TXLNB: variants seen among roughly 807,000 people sequenced by gnomAD.
The protein encoded by TXLNB is taxilin beta.
TXLNB carries 37 observed loss-of-function variants against 57.4 expected under a neutral mutation model. The observed-to-expected ratio is 0.64, with a 90% CI of 0.50 to 0.85. TXLNB has a LOEUF of 0.85. Ranked by LOEUF, TXLNB falls within the 40% of genes least tolerant of loss-of-function variation. TXLNB has a pLI of 0.00. For missense variants in TXLNB, 848 were observed against 825.6 expected (o/e 1.03, Z -0.33); for synonymous variants, 302 against 309.6 (o/e 0.98, Z 0.26).
At chr6:139,287,913 T>G (rs1327882462) in intron 2 of TXLNB, among the ~76,000 whole-genome samples, 1 of 152,240 alleles carries the variant, frequency 6.6e-6, no homozygotes, top group Non-Finnish European at 1.5e-5. Context: ...CAAAAGACCA[T>G]GATTTATTTA....
chr6:139,183,204 T>C, the TXLNB span: 1 of 152,226 alleles, frequency 6.6e-6, no homozygotes, highest in Non-Finnish European at 1.5e-5. Context: ...TTCATATAGT[T>C]AATGACTAAC....
In TXLNB at chr6:139,276,855, A is replaced by T; in HGVS notation, c.491T>A (p.Phe164Tyr). 6.2e-7 allele frequency: 1 copy of T among 1,605,468 alleles called. No individual in the cohort carries two copies. Among genetic ancestry groups the T allele is most frequent in the South Asian group, 1.1e-5 (1 of 89,040 alleles). Reference sequence around the variant, plus strand: ...CAATTCAGCATACTTCTTGAATAAAAAATCAAACTTTTCTTCCGGTGTTTG... The same window carrying T: ...CAATTCAGCATACTTCTTGAATAAATAATCAAACTTTTCTTCCGGTGTTTG... ...KLQTPEEKFD[F>Y]LFKKYAELLD... is the part of the protein sequence containing the mutation. The change falls in exon 3 of 10, where the codon TTT (phenylalanine) becomes TAT (tyrosine). Residue 164 changes from phenylalanine to tyrosine, a missense_variant. Transcript: ENST00000358430.
chr6:139,264,828 G>C (rs1295387203), intron 4 of TXLNB, among the ~76,000 whole-genome samples: 1 of 152,096 alleles, frequency 6.6e-6, no homozygotes, highest in Non-Finnish European at 1.5e-5. Context: ...CCAAAGTGCT[G>C]GGATTATGGG....
the TXLNB span, among the ~76,000 whole-genome samples, chr6:139,214,154 A>G: frequency 6.6e-6 from 1 of 152,196 alleles, no homozygotes; most frequent in African/African-American, 2.4e-5. Flanking sequence ...CTGATACCAA[A>G]GCCTGGCAGA....
chr6:139,187,009 G>T, the TXLNB span, among the ~76,000 whole-genome samples: 2 of 152,144 alleles, frequency 1.3e-5, no homozygotes, highest in African/African-American at 4.8e-5. Context: ...GAATTTGGGG[G>T]TGACTGATGT....
chr6:139,304,043 A>G, the TXLNB span, among the ~76,000 whole-genome samples: 1 of 152,164 alleles, frequency 6.6e-6, no homozygotes, highest in African/African-American at 2.4e-5. Flanking sequence ...AACTACCACT[A>G]GTCAAAGTTG....
chr6:139,172,239 C>T, the TXLNB span, among the ~76,000 whole-genome samples: 1 of 152,308 alleles, frequency 6.6e-6, no homozygotes, highest in East Asian at 1.9e-4. Context: ...GCTGAGACTA[C>T]AGGCATGAGC....
At chr6:139,271,028 T>C (rs539542809) in intron 3 of TXLNB, among the ~76,000 whole-genome samples, 21 of 152,276 alleles carry the variant, frequency 1.4e-4, no homozygotes, top group African/African-American at 4.8e-4. Context: ...TTGGGTTGCA[T>C]TGAGTTTTCC....
chr6:139,270,097 T>C (rs1386403165), intron 4 of TXLNB, among the ~76,000 whole-genome samples: 1 of 152,174 alleles, frequency 6.6e-6, no homozygotes, highest in Non-Finnish European at 1.5e-5. Flanking sequence ...ATGTATTTTT[T>C]TAAAAGAACT....
the TXLNB span, among the ~76,000 whole-genome samples, chr6:139,209,639 G>C: frequency 2.6e-5 from 4 of 152,146 alleles, no homozygotes; most frequent in African/African-American, 9.7e-5. Flanking sequence ...TTCAATAAAA[G>C]GTGCTAGGAA....
At chr6:139,318,168 G>A in the TXLNB span, among the ~76,000 whole-genome samples, 1 of 150,938 alleles carries the variant, frequency 6.6e-6, no homozygotes. Flanking sequence ...TACTTGGGAG[G>A]CTGAGGCAGG....
chr6:139,302,722 T>C, the TXLNB span, among the ~76,000 whole-genome samples: 1 of 151,724 alleles, frequency 6.6e-6, no homozygotes, highest in African/African-American at 2.4e-5. Context: ...AGGAGGAGGT[T>C]GCAGTGAGCT....
chr6:139,248,437 A>G (rs926184438), intron 7 of TXLNB, among the ~76,000 whole-genome samples: 1 of 152,072 alleles, frequency 6.6e-6, no homozygotes, highest in Non-Finnish European at 1.5e-5. Flanking sequence ...CAGGGGTTGC[A>G]GTGAGCAGAG....
downstream of TXLNB, among the ~76,000 whole-genome samples, chr6:139,236,610 T>G (rs558036108): frequency 1.2e-4 from 18 of 152,310 alleles, no homozygotes; most frequent in South Asian, 2.5e-3. Context: ...TCCCAAGCCA[T>G]GCAGAACAGT....
At chr6:139,254,930 TG>T (rs1444068562) in intron 7 of TXLNB, among the ~76,000 whole-genome samples, 1 of 152,202 alleles carries the variant, frequency 6.6e-6, no homozygotes, top group African/African-American at 2.4e-5. Flanking sequence ...GTGACTCTCC[TG>T]CCTCAGCCTC....
rs1308875756 is a variant in TXLNB, at chr6:139,276,755, GT to G, written c.516+74del. 40 of 1,116,918 alleles carry G rather than the reference GT, an allele frequency of 3.6e-5. No homozygotes were observed. The East Asian group carries it at 8.1e-4, about 23-fold the overall frequency. 69.2% of individuals were successfully genotyped at this position (1,116,918 alleles called of 1,614,324 possible). A position where few individuals can be genotyped will look rare whatever the true frequency, so the allele number is the denominator to read the frequency against. On this transcript the variant is annotated intron_variant, in intron 3 of 9. Transcript: ENST00000358430. ...ACAATTCATTCTCGGATTGGCAGGTGTTTGTTGTTCCTTGAAGCTAGAGGCA... is the reference window on the plus strand; with the variant it reads ...ACAATTCATTCTCGGATTGGCAGGTGTTGTTGTTCCTTGAAGCTAGAGGCA...
the TXLNB span, among the ~76,000 whole-genome samples, chr6:139,224,245 A>G: frequency 6.8e-6 from 1 of 147,086 alleles, no homozygotes; most frequent in African/African-American, 2.5e-5. Context: ...GAATTGAACA[A>G]TGAGAACACA....
chr6:139,167,374 C>CA, the TXLNB span: 9 of 1,402,118 alleles, frequency 6.4e-6, 1 homozygote, highest in South Asian at 1.2e-4. Flanking sequence ...AAAAACCAAA[C>CA]AACAAACAAG....
At chr6:139,163,322 G>C in the TXLNB span, among the ~76,000 whole-genome samples, 2 of 151,634 alleles carry the variant, frequency 1.3e-5, no homozygotes, top group Admixed American at 6.6e-5. Flanking sequence ...ATGTTACCTG[G>C]TGCTCTGGGA....
Sources: gnomAD v4.1 joint callset for allele counts (sites outside exome capture counted in the v4.1 genomes callset) on GRCh38, gnomAD v4.1.1 for gene constraint, MANE v1.5 for transcripts, NCBI Gene and HGNC (gene_info 2026-07-23, HGNC 2026-07-21) for gene names.